Variants in MYO1H observed in about 807,000 individuals in gnomAD.
The protein encoded by MYO1H is myosin IH.
A neutral mutation model predicts 149.3 loss-of-function variants in MYO1H; 118 were observed. The observed-to-expected ratio is 0.79, with a 90% CI of 0.68 to 0.92. The LOEUF (loss-of-function observed/expected upper bound fraction) is 0.92. MYO1H is among the 40% of genes least tolerant of loss of function. MYO1H has a pLI of 0.00. For synonymous variants in MYO1H, 447 were observed against 465.2 expected (o/e 0.96, Z 0.50); for missense variants, 1,212 against 1,280.7 (o/e 0.95, Z 0.82).
At chr12:109,350,272 A>G (rs1049649691) in intron 1 of MYO1H, among the ~76,000 whole-genome samples, 8 of 152,048 alleles carry the variant, frequency 5.3e-5, no homozygotes, top group Non-Finnish European at 1.0e-4. Flanking sequence ...TAAACTCCTG[A>G]TATGGTTTGG....
intron 25 of MYO1H, 129 bp from the exon 26 acceptor site, chr12:109,441,486 G>C (rs1053839324): frequency 3.6e-6 from 2 of 563,132 alleles, no homozygotes; most frequent in African/African-American, 3.9e-5. Flanking sequence ...GTTCTGACTT[G>C]TATGCTCCAG....
Position 109,444,424 on chromosome 12 carries a change from C to G in MYO1H, c.2896-8C>G, listed in dbSNP as rs763607759. ...CTGAAATTATGCCTTGTCTCCTCCC[C>G]ACCCCAGGGGGATGCCGTTTTGCAG... On this transcript the variant is annotated splice_region_variant and splice_polypyrimidine_tract_variant and intron_variant, in intron 29 of 31. Coordinates refer to ENST00000310903, the Ensembl canonical transcript of MYO1H. The G allele has an allele frequency of 6.2e-7, 1 of 1,612,314 alleles. No homozygotes were observed. Among genetic ancestry groups the G allele is most frequent in the Non-Finnish European group, 8.5e-7 (1 of 1,178,458 alleles).
At chr12:109,322,058 G>A in the MYO1H span, among the ~76,000 whole-genome samples, 2 of 152,158 alleles carry the variant, frequency 1.3e-5, no homozygotes, top group Non-Finnish European at 2.9e-5. Context: ...TGGGGAAGTG[G>A]ATGGGTTAGG....
At chr12:109,428,765 G>A (rs11066555) in intron 19 of MYO1H, among the ~76,000 whole-genome samples, 10,149 of 151,618 alleles carry the variant, frequency 0.067, 376 homozygotes, top group South Asian at 0.11. Flanking sequence ...TGACTTCTGC[G>A]GCAGATGGCA....
chr12:109,366,029 G>A (rs1002081059), intron 1 of MYO1H, among the ~76,000 whole-genome samples: 2 of 152,270 alleles, frequency 1.3e-5, no homozygotes, highest in East Asian at 1.9e-4. Context: ...AGGATCTAAC[G>A]CCTGGTGATC....
chr12:109,403,004 T>C (rs1870229094), intron 6 of MYO1H, among the ~76,000 whole-genome samples: 1 of 152,228 alleles, frequency 6.6e-6, no homozygotes, highest in Middle Eastern at 3.2e-3. Flanking sequence ...CCACTATTAT[T>C]TTAAAACCAA....
chr12:109,435,162 A>G, intron 21 of MYO1H, 49 bp downstream of exon 21: 1 of 1,301,840 alleles, frequency 7.7e-7, no homozygotes, highest in Non-Finnish European at 1.1e-6. Flanking sequence ...GAAATGAACA[A>G]GTGGAGCTTG....
At chr12:109,388,942 A>G in intron 2 of MYO1H, 98 bp downstream of exon 2, 2 of 1,399,818 alleles carry the variant, frequency 1.4e-6, no homozygotes, top group Non-Finnish European at 1.9e-6. Context: ...CTATTAGGTT[A>G]GACATTAAAG....
At chr12:109,399,786 A>G (rs1019220423) in intron 5 of MYO1H, among the ~76,000 whole-genome samples, 4 of 152,032 alleles carry the variant, frequency 2.6e-5, no homozygotes, top group African/African-American at 9.7e-5. Flanking sequence ...GCAGTGGTGC[A>G]TGCCTATAGT....
At chr12:109,365,162 G>C (rs563179766) in intron 1 of MYO1H, among the ~76,000 whole-genome samples, 1 of 152,244 alleles carries the variant, frequency 6.6e-6, no homozygotes, top group South Asian at 2.1e-4. Context: ...TGTAGTCCCA[G>C]CTACTTGAGA....
intron 28 of MYO1H, 107 bp from the exon 29 acceptor site, chr12:109,444,106 A>C: frequency 1.2e-6 from 1 of 832,372 alleles, no homozygotes; most frequent in Non-Finnish European, 2.1e-6. Context: ...GGGCCCAGCT[A>C]GGAGAATGAA....
chr12:109,415,616 C>T (rs1226990154), exon 15 of MYO1H: 2 of 1,595,596 alleles, frequency 1.3e-6, no homozygotes, highest in East Asian at 4.5e-5. Flanking sequence ...CATACTGCAC[C>T]AAGGGTGAGT....
chr12:109,401,369 C>T (rs1181120171), intron 6 of MYO1H, 97 bp downstream of exon 6: 2 of 1,264,806 alleles, frequency 1.6e-6, no homozygotes, highest in Middle Eastern at 2.8e-4. Context: ...CATTCTATTA[C>T]CATCCTGCTA....
At chr12:109,424,532 C>A (rs1315776664) in intron 16 of MYO1H, among the ~76,000 whole-genome samples, 2 of 152,200 alleles carry the variant, frequency 1.3e-5, no homozygotes, top group Non-Finnish European at 2.9e-5. Context: ...GAAAAAACGT[C>A]TGGCTTCAGC....
intron 1 of MYO1H, among the ~76,000 whole-genome samples, chr12:109,349,118 T>C (rs1868399694): frequency 6.6e-6 from 1 of 152,174 alleles, no homozygotes; most frequent in South Asian, 2.1e-4. Flanking sequence ...ATAATTTAGT[T>C]GATGGACAGA....
chr12:109,347,020 T>A (rs1347086597), upstream of MYO1H, among the ~76,000 whole-genome samples: 3 of 152,166 alleles, frequency 2.0e-5, no homozygotes, highest in Non-Finnish European at 4.4e-5. Context: ...ATAGGATATA[T>A]ATACAGAGAG....
chr12:109,357,330 C>T (rs1868630257), intron 1 of MYO1H: 1 of 152,136 alleles, frequency 6.6e-6, no homozygotes. Flanking sequence ...TATTACAAAC[C>T]ATTAAACATT....
At chr12:109,394,538 T>A (rs1044784914) in intron 3 of MYO1H, among the ~76,000 whole-genome samples, 16 of 152,100 alleles carry the variant, frequency 1.1e-4, no homozygotes, top group African/African-American at 3.6e-4. Flanking sequence ...CATTTGTTTG[T>A]CACTATGCCT....
At chr12:109,406,107 C>A in intron 8 of MYO1H, 72 bp downstream of exon 8, 1 of 1,067,492 alleles carries the variant, frequency 9.4e-7, no homozygotes. Context: ...AGCTGGGTGC[C>A]CACAGTTAGG....
Sources: gnomAD v4.1 joint callset for allele counts (sites outside exome capture counted in the v4.1 genomes callset) on GRCh38, gnomAD v4.1.1 for gene constraint, MANE v1.5 for transcripts, NCBI Gene and HGNC (gene_info 2026-07-23, HGNC 2026-07-21) for gene names.